Variants in ANKRD11 observed in about 807,000 individuals in gnomAD.
ANKRD11 encodes the protein ankyrin repeat domain-containing protein 11.
Under a neutral mutation model 195.7 loss-of-function variants are expected in ANKRD11, and 17 were observed. The observed-to-expected ratio is 0.09, with a 90% CI of 0.06 to 0.13. The LOEUF (loss-of-function observed/expected upper bound fraction) is 0.13, where lower values mean the gene tolerates loss of function less well. ANKRD11 is among the 10% of genes least tolerant of loss of function. The pLI is 1.00. For missense variants in ANKRD11, 3,735 were observed against 3,566.1 expected (o/e 1.05, Z -1.21); for synonymous variants, 1,953 against 1,528.1 (o/e 1.28, Z -6.49).
chr16:89,465,627 C>T (rs906400208), intron 1 of ANKRD11, among the ~76,000 whole-genome samples: 3 of 152,212 alleles, frequency 2.0e-5, no homozygotes, highest in South Asian at 2.1e-4. Context: ...CACCAGCACA[C>T]GACTCCCATG....
chr16:89,359,233 G>A (rs2039621032), intron 2 of ANKRD11, among the ~76,000 whole-genome samples: 1 of 152,114 alleles, frequency 6.6e-6, no homozygotes, highest in South Asian at 2.1e-4. Context: ...CATGAATGGT[G>A]CCTCCAAAGA....
intron 1 of ANKRD11, among the ~76,000 whole-genome samples, chr16:89,428,085 G>A (rs1014337724): frequency 6.6e-6 from 1 of 151,460 alleles, no homozygotes; most frequent in Non-Finnish European, 1.5e-5. Flanking sequence ...GCGCGCGCCT[G>A]TAATCCCAGC....
At chr16:89,321,506 G>A (rs1489895173) in intron 2 of ANKRD11, among the ~76,000 whole-genome samples, 2 of 152,026 alleles carry the variant, frequency 1.3e-5, no homozygotes, top group African/African-American at 2.4e-5. Context: ...CTGCGGGGCA[G>A]GGGCTGCCCA....
At chr16:89,381,474 A>AAC (rs999118532) in intron 2 of ANKRD11, among the ~76,000 whole-genome samples, 1 of 152,202 alleles carries the variant, frequency 6.6e-6, no homozygotes, top group Non-Finnish European at 1.5e-5. Context: ...TTCACATTGT[A>AAC]ACAGCCCCAA....
chr16:89,290,381 AGCGGGGG>A (rs2034969694), intron 6 of ANKRD11, among the ~76,000 whole-genome samples: 2 of 35,470 alleles, frequency 5.6e-5, no homozygotes, highest in African/African-American at 1.2e-4. Flanking sequence ...TCAGGGCTCC[AGCGGGGG>A]AGGCTCAGGG....
At chr16:89,412,921 G>C (rs978498125) in intron 2 of ANKRD11, among the ~76,000 whole-genome samples, 1 of 152,188 alleles carries the variant, frequency 6.6e-6, no homozygotes, top group Admixed American at 6.5e-5. Context: ...CAGGTCAGCA[G>C]AGGTCCCAGC....
In ANKRD11 at chr16:89,284,416, T is replaced by C. The variant is rs1597461877; in HGVS notation, c.2126A>G (p.Glu709Gly). 1 of 1,613,554 alleles carries C rather than the reference T, an allele frequency of 6.2e-7. No individual in the cohort carries two copies. Among genetic ancestry groups the C allele is most frequent in the Non-Finnish European group, 8.5e-7 (1 of 1,179,968 alleles). ...TGATTTTTCATCTTTAAAGAGCCATTCTTTTTCTTCTAATTTCATTTTGCT... is the reference window on the plus strand; with the variant it reads ...TGATTTTTCATCTTTAAAGAGCCATCCTTTTTCTTCTAATTTCATTTTGCT... ...KLSKMKLEEK[E>G]WLFKDEKSLK... The change falls in exon 9 of 13, where the codon GAA becomes GGA. Residue 709 changes from glutamate to glycine, a missense_variant. By Grantham distance (98) the Glu-to-Gly change is moderately conservative. Transcript: ENST00000301030.
intron 2 of ANKRD11, chr16:89,324,281 C>T: frequency 1.6e-6 from 2 of 1,249,922 alleles, no homozygotes; most frequent in Non-Finnish European, 2.1e-6. Flanking sequence ...GAGCCCCGTG[C>T]TCCGGAACAC....
intron 1 of ANKRD11, among the ~76,000 whole-genome samples, chr16:89,465,258 A>C (rs1012065651): frequency 6.6e-6 from 1 of 152,222 alleles, no homozygotes; most frequent in Admixed American, 6.5e-5. Flanking sequence ...GAGCTTCAAG[A>C]TGCTAACCAA....
intron 2 of ANKRD11, among the ~76,000 whole-genome samples, chr16:89,404,375 A>G (rs1293288378): frequency 6.6e-6 from 1 of 152,224 alleles, no homozygotes; most frequent in African/African-American, 2.4e-5. Context: ...GGCATGAAAA[A>G]AATTGCCTTC....
At chr16:89,396,368 C>T (rs532804018) in intron 2 of ANKRD11, among the ~76,000 whole-genome samples, 43 of 152,292 alleles carry the variant, frequency 2.8e-4, no homozygotes, top group African/African-American at 8.7e-4. Context: ...ACACACGCGA[C>T]GGAGCCGCAC....
intron 2 of ANKRD11, among the ~76,000 whole-genome samples, chr16:89,318,064 G>A (rs2037070291): frequency 6.6e-6 from 1 of 152,212 alleles, no homozygotes; most frequent in East Asian, 1.9e-4. Context: ...AAACCCAACA[G>A]GCAGTTGGGG....
intron 1 of ANKRD11, among the ~76,000 whole-genome samples, chr16:89,447,741 A>G (rs1297773461): frequency 1.3e-5 from 2 of 150,286 alleles, no homozygotes; most frequent in Non-Finnish European, 3.0e-5. Context: ...CTGGCCCAAC[A>G]TCATGTATTT....
At chr16:89,451,574 G>C (rs1386086278) in intron 1 of ANKRD11, among the ~76,000 whole-genome samples, 1 of 151,954 alleles carries the variant, frequency 6.6e-6, no homozygotes. Flanking sequence ...ATGCCATCAA[G>C]ACTGGTTAAT....
intron 2 of ANKRD11, among the ~76,000 whole-genome samples, chr16:89,381,300 C>T (rs867071542): frequency 6.9e-6 from 1 of 145,920 alleles, no homozygotes; most frequent in African/African-American, 2.6e-5. Context: ...CCACTGCACT[C>T]CAGCCTGGGC....
chr16:89,321,722 TG>T (rs2037340062), intron 2 of ANKRD11, among the ~76,000 whole-genome samples: 1 of 152,098 alleles, frequency 6.6e-6, no homozygotes, highest in South Asian at 2.1e-4. Context: ...AAGACTTCTT[TG>T]GGGTTGAAAT....
intron 2 of ANKRD11, among the ~76,000 whole-genome samples, chr16:89,349,689 T>A (rs570435488): frequency 6.6e-6 from 1 of 152,208 alleles, no homozygotes; most frequent in East Asian, 1.9e-4. Flanking sequence ...AAACTATGTA[T>A]CTTGTAGAAG....
In ANKRD11 at chr16:89,271,081, CCATCTCCCTA is replaced by C. The variant is rs1385761190; in HGVS notation, c.7714-182_7714-173del. 1.4e-4 allele frequency: 93 copies of C among 685,768 alleles called. No homozygotes were observed. In the Admixed American group the frequency reaches 1.9e-3, roughly 14 times the overall value. The allele number at this position is 685,768 out of a possible 1,614,324, so 42.5% of individuals were successfully genotyped here. A position where few individuals can be genotyped will look rare whatever the true frequency, so the allele number is the denominator to read the frequency against. On this transcript the variant is annotated intron_variant, in intron 11 of 12. Transcript: ENST00000301030. Reference sequence around the variant, plus strand: ...TCAAGGCATGGCAGGCGCACCCTGCCCATCTCCCTAAACAGCCTCCCTAAAATGCGCGTGG... The same window carrying C: ...TCAAGGCATGGCAGGCGCACCCTGCCAACAGCCTCCCTAAAATGCGCGTGG...
In ANKRD11 at chr16:89,283,677, C is replaced by T. The variant is rs757008228; in HGVS notation, c.2865G>A (p.Leu955=). 6.2e-6 allele frequency: 10 copies of T among 1,612,746 alleles called. No individual in the cohort carries two copies. In the South Asian group the frequency reaches 1.1e-4, roughly 18 times the overall value. The change falls in exon 9 of 13, where the codon CTG becomes CTA. Residue 955 remains leucine (L), a synonymous_variant. Transcript: ENST00000301030. This position sits in a 1 kb window ranked among gnomAD's most constrained non-coding sequence, Gnocchi z 4.3. ...AEAGRDRKDA[L]ESCKERRDGR... ...CGTCCCTGCGCTCCTTGCAGCTCTC[C>T]AGGGCGTCCTTTCTGTCCCGCCCGG...
Sources: gnomAD v4.1 joint callset for allele counts (sites outside exome capture counted in the v4.1 genomes callset) on GRCh38, gnomAD v4.1.1 for gene constraint, Gnocchi (gnomAD v3.1) non-coding constraint, MANE v1.5 for transcripts, NCBI Gene and HGNC (gene_info 2026-07-23, HGNC 2026-07-21) for gene names.